The following THSD7A variants were observed in gnomAD, a reference collection of about 807,000 sequenced individuals.
THSD7A encodes the protein thrombospondin type-1 domain-containing protein 7A.
In THSD7A, 96 loss-of-function variants were observed where a neutral mutation model predicts 231.3. The ratio of observed to expected loss-of-function variants is 0.41; its 90% CI spans 0.35 to 0.49. THSD7A has a LOEUF of 0.49. THSD7A is among the 20% of genes least tolerant of loss of function. The pLI is 0.05. For synonymous variants in THSD7A, 940 were observed against 743.3 expected (o/e 1.26, Z -4.30); for missense variants, 2,290 against 2,070.2 (o/e 1.11, Z -2.06).
At chr7:11,462,200 A>C in intron 9 of THSD7A, 57 bp from the exon 10 acceptor site, 1 of 1,579,684 alleles carries the variant, frequency 6.3e-7, no homozygotes, top group Admixed American at 1.7e-5. Context: ...TAATCTCTAA[A>C]TACCAGTCTG....
intron 1 of THSD7A, among the ~76,000 whole-genome samples, chr7:11,734,655 C>T (rs1264736455): frequency 6.6e-6 from 1 of 151,778 alleles, no homozygotes; most frequent in East Asian, 1.9e-4. Flanking sequence ...TTGTTAATGA[C>T]CTTATTTTGC....
chr7:11,622,948 T>G (rs557642404), intron 2 of THSD7A, among the ~76,000 whole-genome samples: 8 of 152,232 alleles, frequency 5.3e-5, no homozygotes, highest in African/African-American at 1.9e-4. Flanking sequence ...TGGGAGAAAA[T>G]AAAGGCAGAG....
rs571326158 is a variant in THSD7A at position 11,637,783 on chromosome 7, G to T, written c.191-822C>A. On this transcript the variant is annotated intron_variant, in intron 1 of 27. Transcript: ENST00000423059. The surrounding 1 kb of genome is among the most constrained non-coding windows in gnomAD (Gnocchi z 4.2). ...TCAGTGGCTTTAATATGAAATATGG[G>T]TTTTTTTCTGTGAAATCCTTCTTAG... is the stretch of plus-strand genomic sequence containing the variant. Among the ~76,000 whole-genome samples, 5 of 152,008 alleles carry T rather than the reference G, an allele frequency of 3.3e-5. No homozygotes were observed. The highest frequency in any genetic ancestry group is 1.2e-4 in the African/African-American group (5 of 41,440).
intron 4 of THSD7A, among the ~76,000 whole-genome samples, chr7:11,578,717 G>C (rs1286901812): frequency 6.6e-6 from 1 of 152,176 alleles, no homozygotes; most frequent in Non-Finnish European, 1.5e-5. Context: ...TAAAAGAGGA[G>C]ATATTTGGAT....
At chr7:11,421,975 C>G (rs564334050) in intron 16 of THSD7A, among the ~76,000 whole-genome samples, 1 of 152,078 alleles carries the variant, frequency 6.6e-6, no homozygotes, top group Non-Finnish European at 1.5e-5. Context: ...ACTTTAAATT[C>G]CTTTGTTTTC....
chr7:11,429,056 G>A lies in THSD7A; in HGVS notation c.3134C>T (p.Ser1045Leu), dbSNP rs202208443. 1.3e-5 allele frequency: 21 copies of A among 1,612,592 alleles called. No individual in the cohort carries two copies. Among genetic ancestry groups the A allele is most frequent in the South Asian group, 2.2e-5 (2 of 90,854 alleles). Residue 1045 changes from serine to leucine, a missense_variant, in exon 14 of 28, where the codon TCG (serine) becomes TTG (leucine). By Grantham distance (145) the Ser-to-Leu change is moderately radical (BLOSUM62 -2). Transcript: ENST00000423059. ...DCKLSEWSNW[S>L]RCSKSCGSGV... ...ACTCCCACAGGACTTGCTGCAGCGCGACCAGTTGGACCACTCACTGAGCTT... is the reference window on the plus strand; with the variant it reads ...ACTCCCACAGGACTTGCTGCAGCGCAACCAGTTGGACCACTCACTGAGCTT...
intron 2 of THSD7A, among the ~76,000 whole-genome samples, chr7:11,631,975 G>A (rs1781673645): frequency 6.6e-6 from 1 of 152,082 alleles, no homozygotes; most frequent in African/African-American, 2.4e-5. Context: ...GCCCTTGGCT[G>A]GGATCTGGGA....
chr7:11,746,002 G>T (rs1782287025), intron 1 of THSD7A, among the ~76,000 whole-genome samples: 1 of 151,976 alleles, frequency 6.6e-6, no homozygotes, highest in Non-Finnish European at 1.5e-5. Context: ...GTAGCTTGAT[G>T]GGGATGGCAT....
At chr7:11,622,511 A>C (rs969328212) in intron 2 of THSD7A, among the ~76,000 whole-genome samples, 1 of 152,152 alleles carries the variant, frequency 6.6e-6, no homozygotes, top group Non-Finnish European at 1.5e-5. Flanking sequence ...TAAGTTGTAA[A>C]GTTCTGACTT....
chr7:11,580,609 A>G (rs59), intron 4 of THSD7A, among the ~76,000 whole-genome samples: 112,734 of 152,056 alleles, frequency 0.74, 41,990 homozygotes, highest in Admixed American at 0.85. Flanking sequence ...GGAGACCATT[A>G]TCCTTAGCAA....
At chr7:11,378,862 T>C (rs1782387428) in intron 26 of THSD7A, 2 of 558,888 alleles carry the variant, frequency 3.6e-6, no homozygotes, top group Non-Finnish European at 6.2e-6. Context: ...CTCAGAAGAA[T>C]GTAATTTCAT....
chr7:11,397,397 TA>T (rs1374116159), intron 23 of THSD7A, among the ~76,000 whole-genome samples: 1 of 152,124 alleles, frequency 6.6e-6, no homozygotes, highest in East Asian at 1.9e-4. Flanking sequence ...TTACACCTTA[TA>T]CAGAAATTCA....
At chr7:11,386,478 C>G (rs950988409) in intron 23 of THSD7A, among the ~76,000 whole-genome samples, 10 of 152,144 alleles carry the variant, frequency 6.6e-5, no homozygotes, top group Admixed American at 1.3e-4. Context: ...TGATGATGAG[C>G]TTTTCTTCAT....
In THSD7A at chr7:11,632,846, A is replaced by G. The variant is rs1321143456; in HGVS notation, c.1022+3284T>C. ...TGAATCAAGGTCTTCTTTTAATTTC[A>G]GGAAAGTCTTATCCTTGTATTTTGT... On this transcript the variant is annotated intron_variant, in intron 2 of 27. Transcript: ENST00000423059. This position sits in a 1 kb window ranked among gnomAD's most constrained non-coding sequence, Gnocchi z 4.1. Among the ~76,000 whole-genome samples the G allele has an allele frequency of 1.3e-5, 2 of 152,168 alleles. No individual in the cohort carries two copies. The highest frequency in any genetic ancestry group is 2.9e-5 in the Non-Finnish European group (2 of 68,024).
chr7:11,574,183 T>C (rs1034398521), intron 4 of THSD7A, among the ~76,000 whole-genome samples: 2 of 152,160 alleles, frequency 1.3e-5, no homozygotes, highest in African/African-American at 2.4e-5. Flanking sequence ...TTATTCTCTT[T>C]CACATAACCC....
rs1348608560 is a variant in THSD7A, at chr7:11,373,506, T to C, written c.*2288A>G. 2.0e-5 allele frequency: 3 copies of C among 152,096 alleles called. No homozygotes were observed. The East Asian group carries it at 5.8e-4, about 29-fold the overall frequency. The allele number at this position is 152,096 out of a possible 1,614,324, so 9.4% of individuals were successfully genotyped here. ...ACAGATAAAATGGACTTTGTTTTTA[T>C]GGTTTTCTTTGTTTAAATCCTTGCT... On this transcript the variant is annotated 3_prime_UTR_variant, in exon 28 of 28. Coordinates refer to ENST00000423059, the MANE Select transcript of THSD7A (RefSeq NM_015204.3).
chr7:11,611,875 T>TATC (rs1221755618), intron 2 of THSD7A, among the ~76,000 whole-genome samples: 3 of 151,378 alleles, frequency 2.0e-5, no homozygotes, highest in Admixed American at 1.3e-4. Context: ...TCTATCTATC[T>TATC]ATCTATCTAT....
intron 1 of THSD7A, among the ~76,000 whole-genome samples, chr7:11,778,156 C>CAAAAAAAAAAAAAAAAAAAAAAAAAAA (rs57740181): frequency 6.7e-5 from 3 of 45,080 alleles, no homozygotes; most frequent in Non-Finnish European, 1.3e-4. Flanking sequence ...GACTCCGTCT[C>CAAAAAAAAAAAAAAAAAAAAAAAAAAA]AAAAAAAAAA....
intron 1 of THSD7A, among the ~76,000 whole-genome samples, chr7:11,774,847 G>C (rs962720434): frequency 7.9e-5 from 12 of 152,202 alleles, no homozygotes; most frequent in African/African-American, 2.9e-4. Flanking sequence ...CTGAGGACGG[G>C]AGTTCGAGAC....
Sources: gnomAD v4.1 joint callset for allele counts (sites outside exome capture counted in the v4.1 genomes callset) on GRCh38, gnomAD v4.1.1 for gene constraint, Gnocchi (gnomAD v3.1) non-coding constraint, MANE v1.5 for transcripts, NCBI Gene and HGNC (gene_info 2026-07-23, HGNC 2026-07-21) for gene names.